The following NTRK3 variants were observed in gnomAD, a reference collection of about 807,000 sequenced individuals.
NTRK3 encodes the protein NT-3 growth factor receptor.
Under a neutral mutation model 91.7 loss-of-function variants are expected in NTRK3, and 24 were observed. That is an observed-to-expected ratio of 0.26 (90% CI 0.19 to 0.37). The LOEUF is 0.37. Among genes scored for constraint, NTRK3 ranks in the 10% least tolerant of loss-of-function variants. The pLI is 1.00. For missense variants in NTRK3, 880 were observed against 1,068.9 expected, an observed-to-expected ratio of 0.82 and a Z score of 2.46; for synonymous variants, 483 against 404.0, an observed-to-expected ratio of 1.20 and a Z score of -2.34.
At chr15:88,001,527 T>C (rs985577504) in intron 14 of NTRK3, among the ~76,000 whole-genome samples, 10 of 152,184 alleles carry the variant, frequency 6.6e-5, no homozygotes, top group African/African-American at 2.4e-4. Context: ...TGGTATGTGG[T>C]AGGGGTTCCA....
intron 3 of NTRK3, among the ~76,000 whole-genome samples, chr15:88,217,699 C>G (rs532945398): frequency 2.5e-4 from 38 of 152,052 alleles, no homozygotes; most frequent in African/African-American, 8.4e-4. Flanking sequence ...ATGTGCTTAA[C>G]GTTGCTGAGC....
At chr15:87,917,513 T>C (rs1229589634) in intron 17 of NTRK3, among the ~76,000 whole-genome samples, 3 of 152,244 alleles carry the variant, frequency 2.0e-5, no homozygotes, top group African/African-American at 7.2e-5. Context: ...GGATGCAGAA[T>C]GGACTTGGTG....
chr15:87,880,366 C>T (rs2065175342), exon 18 of NTRK3: 12 of 1,614,162 alleles, frequency 7.4e-6, no homozygotes, highest in Non-Finnish European at 7.6e-6. Flanking sequence ...CTGTAGTGAA[C>T]TTCCGGTACA....
chr15:87,992,663 CTA>C (rs1450495755), intron 14 of NTRK3, among the ~76,000 whole-genome samples: 1 of 152,240 alleles, frequency 6.6e-6, no homozygotes, highest in Non-Finnish European at 1.5e-5. Context: ...CTCAGCATCC[CTA>C]TGAGGGGAGA....
exon 19 of NTRK3, chr15:87,861,582 T>C (rs965029273): frequency 1.6e-5 from 3 of 193,388 alleles, no homozygotes; most frequent in Non-Finnish European, 3.2e-5. Flanking sequence ...AGGACACTTC[T>C]CCTGAAAACA....
At chr15:88,220,990 A>G (rs1022413611) in intron 3 of NTRK3, among the ~76,000 whole-genome samples, 3 of 152,218 alleles carry the variant, frequency 2.0e-5, no homozygotes, top group African/African-American at 7.2e-5. Flanking sequence ...AATGGGGCTC[A>G]GTTCTCTGCA....
intron 3 of NTRK3, among the ~76,000 whole-genome samples, chr15:88,188,397 G>A (rs117304551): frequency 0.023 from 3,464 of 152,308 alleles, 64 homozygotes; most frequent in Non-Finnish European, 0.035. Flanking sequence ...GGGAAAGAGA[G>A]TAACAATGGC....
chr15:88,213,842 G>T (rs948915394), intron 3 of NTRK3, among the ~76,000 whole-genome samples: 4 of 152,160 alleles, frequency 2.6e-5, no homozygotes, highest in Admixed American at 2.6e-4. Flanking sequence ...CACTTTGGGA[G>T]GATAAGGCGG....
intron 17 of NTRK3, among the ~76,000 whole-genome samples, chr15:87,900,402 C>T (rs2066379796): frequency 6.6e-6 from 1 of 152,156 alleles, no homozygotes; most frequent in African/African-American, 2.4e-5. Context: ...AAACCAGGAA[C>T]CTTAGTGAAA....
chr15:88,005,366 G>A (rs561804457), intron 14 of NTRK3, among the ~76,000 whole-genome samples: 22 of 152,306 alleles, frequency 1.4e-4, no homozygotes, highest in Non-Finnish European at 1.6e-4. Context: ...CAAGAGTCTT[G>A]TGGGGACAGG....
rs564079849 is a variant in NTRK3 at position 88,233,238 on chromosome 15, G to C, written c.248+22668C>G. The stretch of plus-strand genomic sequence containing the variant: ...CACATTGCCAATAAATAACCCCCCC[G>C]CCCCCAGTGTAATCTCTCAGTATCC... On this transcript the variant is annotated intron_variant, in intron 3 of 18. Transcript: ENST00000394480. The surrounding 1 kb of genome is among the most constrained non-coding windows in gnomAD (Gnocchi z 4.2). Among the ~76,000 whole-genome samples the C allele has an allele frequency of 6.6e-6, 1 of 151,914 alleles. No homozygotes were observed.
chr15:88,002,511 G>A (rs2076184133), intron 14 of NTRK3, among the ~76,000 whole-genome samples: 2 of 151,980 alleles, frequency 1.3e-5, no homozygotes, highest in African/African-American at 2.4e-5. Context: ...CACCAAACTA[G>A]AAGCTGACAT....
chr15:88,097,769 T>G (rs577219640), intron 13 of NTRK3, among the ~76,000 whole-genome samples: 1 of 152,186 alleles, frequency 6.6e-6, no homozygotes, highest in African/African-American at 2.4e-5. Context: ...TGATATACTA[T>G]GTGAAAGTAA....
rs904574005 is a variant in NTRK3, at chr15:88,243,141, C to T, written c.248+12765G>A. Among the ~76,000 whole-genome samples, 6 of 152,192 alleles carry T rather than the reference C, an allele frequency of 3.9e-5. No individual in the cohort carries two copies. The highest frequency in any genetic ancestry group is 8.8e-5 in the Non-Finnish European group (6 of 68,034). On this transcript the variant is annotated intron_variant, in intron 3 of 18. Transcript: ENST00000394480. The surrounding 1 kb of genome is among the most constrained non-coding windows in gnomAD (Gnocchi z 4.8). ...TCCATTTCTTTCTTGCTCCTGAGTG[C>T]CTCAAAGACAAGGTTTCTGCCAAGA...
chr15:87,979,437 T>A, intron 14 of NTRK3: 1 of 1,612,920 alleles, frequency 6.2e-7, no homozygotes, highest in South Asian at 1.1e-5. Flanking sequence ...GGAAGGCTTA[T>A]TGGATTCAAC....
rs941888315 is a variant in NTRK3 at position 87,944,749 on chromosome 15, C to T, written c.1586-3996G>A. On this transcript the variant is annotated intron_variant, in intron 14 of 18. Coordinates refer to ENST00000394480, the Ensembl canonical transcript of NTRK3. ...TCCCAAGGGCGAGGGCAGGAGCCCC[C>T]GCTGGAAGCCTTACAGAACAGACAA... Among the ~76,000 whole-genome samples the T allele has an allele frequency of 3.9e-5, 6 of 152,200 alleles. No individual in the cohort carries two copies. In the South Asian group the frequency reaches 8.3e-4, roughly 21 times the overall value.
intron 13 of NTRK3, among the ~76,000 whole-genome samples, chr15:88,085,455 G>A (rs1159699995): frequency 6.6e-6 from 1 of 152,186 alleles, no homozygotes; most frequent in Admixed American, 6.5e-5. Flanking sequence ...GCCATGAGAA[G>A]AATATGCTCT....
exon 19 of NTRK3, chr15:87,865,437 C>T (rs923993638): frequency 1.4e-5 from 3 of 213,598 alleles, no homozygotes; most frequent in Admixed American, 1.2e-4. Flanking sequence ...AACATTTCTC[C>T]GTGGGAATCC....
Position 88,256,632 on chromosome 15 carries a change from A to G in NTRK3, c.-219+12T>C. On this transcript the variant is annotated intron_variant, in intron 1 of 18. Coordinates refer to ENST00000394480, the Ensembl canonical transcript of NTRK3. The stretch of plus-strand genomic sequence containing the variant: ...GCAAAACACACACACTCACTCTCAC[A>G]CATACACACACCCGGAGCCCGAGGA... 2.3e-6 allele frequency: 1 copy of G among 429,202 alleles called. No individual in the cohort carries two copies. Among genetic ancestry groups the G allele is most frequent in the Non-Finnish European group, 4.0e-6 (1 of 248,956 alleles). The allele number at this position is 429,202 out of a possible 1,614,324, so 26.6% of individuals were successfully genotyped here.
Sources: allele counts gnomAD v4.1 joint callset (sites outside exome capture counted in the v4.1 genomes callset), GRCh38; gene constraint gnomAD v4.1.1; non-coding constraint Gnocchi (gnomAD v3.1); transcripts MANE v1.5; gene names NCBI Gene and HGNC (gene_info 2026-07-23, HGNC 2026-07-21).